The following RRBP1 variants were observed in gnomAD, a reference collection of about 807,000 sequenced individuals.
RRBP1 encodes the protein ribosome-binding protein 1.
Under a neutral mutation model 165.2 loss-of-function variants are expected in RRBP1, and 94 were observed. That is an observed-to-expected ratio of 0.57 (90% CI 0.48 to 0.68). The LOEUF (loss-of-function observed/expected upper bound fraction) is 0.68. Ranked by LOEUF, RRBP1 falls within the 30% of genes least tolerant of loss-of-function variation. The probability of loss-of-function intolerance (pLI) is 0.00; values close to 1 mark genes in which losing one functional copy is unlikely to be tolerated. For synonymous variants in RRBP1, 680 were observed against 714.5 expected (o/e 0.95, Z 0.77); for missense variants, 1,676 against 1,763.0 (o/e 0.95, Z 0.88).
At chr20:17,641,644 C>T (rs1412782287) in intron 5 of RRBP1, 153 bp downstream of exon 5, 2 of 921,468 alleles carry the variant, frequency 2.2e-6, no homozygotes, top group African/African-American at 1.6e-5. Flanking sequence ...CTTTAGGCAG[C>T]AGATAAGCAG....
Position 17,614,168 on chromosome 20 carries a change from T to A in RRBP1, c.*14A>T, listed in dbSNP as rs1481209565. ...GGTAAGTTGAACAGTAACTTCTTTT[T>A]CCAAAGAGGAAACTCAGACAGAGGT... On this transcript the variant is annotated 3_prime_UTR_variant, in exon 25 of 25. Transcript: ENST00000377813. 1 of 1,613,758 alleles carries A rather than the reference T, an allele frequency of 6.2e-7. No homozygotes were observed. The highest frequency in any genetic ancestry group is 8.5e-7 in the Non-Finnish European group (1 of 1,179,734).
rs370392121 is a variant in RRBP1, at chr20:17,614,746, C to G, written c.4185G>C (p.Leu1395=). 5.6e-6 allele frequency: 9 copies of G among 1,612,384 alleles called. No individual in the cohort carries two copies. In the African/African-American group the frequency reaches 1.2e-4, roughly 22 times the overall value. Residue 1395 remains leucine, a synonymous_variant, in exon 24 of 25, where the codon CTG becomes CTC. Coordinates refer to ENST00000377813, the MANE Select transcript of RRBP1 (RefSeq NM_001365613.2). ...GGCGCCAGGCACGCACTGCCTTTTC[C>G]AGCTGTTCCTGCAGCTTCTTCACCG... is the stretch of plus-strand genomic sequence containing the variant. ...KDTVKKLQEQ[L]EKAEDGSSSK...
chr20:17,666,581 A>C (rs2036874397), intron 2 of RRBP1, among the ~76,000 whole-genome samples: 1 of 152,206 alleles, frequency 6.6e-6, no homozygotes, highest in Non-Finnish European at 1.5e-5. Flanking sequence ...TTTTTTAATA[A>C]AAAGTAAGCT....
At chr20:17,635,871 C>A (rs537577845) in intron 6 of RRBP1, among the ~76,000 whole-genome samples, 1 of 152,242 alleles carries the variant, frequency 6.6e-6, no homozygotes, top group Non-Finnish European at 1.5e-5. Flanking sequence ...CCACACCCAG[C>A]GACACCTCTC....
chr20:17,615,626 C>G (rs2035785173), intron 22 of RRBP1, 97 bp from the exon 23 acceptor site: 2 of 927,190 alleles, frequency 2.2e-6, no homozygotes, highest in Non-Finnish European at 3.1e-6. Flanking sequence ...GGGGGCCCCC[C>G]CAGCCTGATG....
chr20:17,620,787 C>T lies in RRBP1; in HGVS notation c.3435G>A (p.Leu1145=). ...GCTCCTCCTCCTCCACGCTCTTCTG[C>T]AGGTCTCTGAGCATGCCCTCCTGGG... ...LAETEGMLRD[L]QKSVEEEEQV... is the part of the protein sequence containing the mutation. Residue 1145 remains leucine, a synonymous_variant, in exon 17 of 25, where the codon CTG becomes CTA. Transcript: ENST00000377813. 1 of 1,608,070 alleles carries T rather than the reference C, an allele frequency of 6.2e-7. No individual in the cohort carries two copies.
chr20:17,636,615 G>T lies in RRBP1; in HGVS notation c.2299C>A (p.Arg767=). Residue 767 remains arginine (R), a synonymous_variant, in exon 6 of 25, where the codon CGG becomes AGG. Transcript: ENST00000377813. The stretch of plus-strand genomic sequence containing the variant: ...TGCTGCACCTCCTTCACGTGCTCCC[G>T]GTAGCTGGCCTGCATGCGTGCCTGC... ...AVQARMQASY[R]EHVKEVQQLQ... 1 of 1,612,516 alleles carries T rather than the reference G, an allele frequency of 6.2e-7. No individual in the cohort carries two copies. The highest frequency in any genetic ancestry group is 1.7e-5 in the Admixed American group (1 of 60,030).
intron 2 of RRBP1, among the ~76,000 whole-genome samples, chr20:17,662,828 A>T (rs2036790799): frequency 6.6e-6 from 1 of 152,116 alleles, no homozygotes; most frequent in South Asian, 2.1e-4. Context: ...CTGGGTACTT[A>T]CAAGATTTCT....
intron 23 of RRBP1, 100 bp from the exon 24 acceptor site, chr20:17,614,980 G>A: frequency 7.4e-7 from 1 of 1,353,794 alleles, no homozygotes; most frequent in Non-Finnish European, 1.0e-6. Context: ...GGAGCCCTCT[G>A]GGGACACAAG....
intron 21 of RRBP1, among the ~76,000 whole-genome samples, chr20:17,616,321 C>T (rs2035798888): frequency 6.6e-6 from 1 of 152,184 alleles, no homozygotes; most frequent in South Asian, 2.1e-4. Flanking sequence ...ACAGGCCCTG[C>T]CTCTTGGTGA....
chr20:17,650,623 A>G (rs915395448), intron 3 of RRBP1, among the ~76,000 whole-genome samples: 1 of 152,224 alleles, frequency 6.6e-6, no homozygotes, highest in Non-Finnish European at 1.5e-5. Context: ...CCTGTTTCCA[A>G]CCAGCAGCAA....
chr20:17,640,804 C>A (rs1480459718), intron 5 of RRBP1, among the ~76,000 whole-genome samples: 1 of 152,220 alleles, frequency 6.6e-6, no homozygotes, highest in Non-Finnish European at 1.5e-5. Flanking sequence ...CCATCTGGCT[C>A]AGAGCCGTGA....
At chr20:17,655,987 A>G (rs1200997030) in intron 3 of RRBP1, among the ~76,000 whole-genome samples, 1 of 152,156 alleles carries the variant, frequency 6.6e-6, no homozygotes, top group African/African-American at 2.4e-5. Context: ...CTGAGTCACA[A>G]GATCCTGGGT....
In RRBP1 at chr20:17,635,509, C is replaced by T. The variant is rs766594938; in HGVS notation, c.2456+37G>A. On this transcript the variant is annotated intron_variant, in intron 7 of 24. Transcript: ENST00000377813. ...CGTGAAGCCTTCCTCGCTCCAGGGC[C>T]CTTGGGGAGGTGCTGAGGCAGGAAA... 5 of 1,497,238 alleles carry T rather than the reference C, an allele frequency of 3.3e-6. No homozygotes were observed. In the South Asian group the frequency reaches 5.8e-5, roughly 17 times the overall value. 92.7% of individuals were successfully genotyped at this position (1,497,238 alleles called of 1,614,324 possible). A position where few individuals can be genotyped will look rare whatever the true frequency, so the allele number is the denominator to read the frequency against.
chr20:17,635,972 T>C (rs1489178508), intron 6 of RRBP1, among the ~76,000 whole-genome samples: 1 of 152,170 alleles, frequency 6.6e-6, no homozygotes, highest in Non-Finnish European at 1.5e-5. Context: ...CAAGGTCACA[T>C]GGTTGACTGT....
In RRBP1 at chr20:17,641,781, C is replaced by T. The variant is rs777203334; in HGVS notation, c.2184+16G>A. ...CGGGAGAGGACAAACCATCTCCGAG[C>T]CCACTCAGGCTGTACCTTGTTGAGC... On this transcript the variant is annotated intron_variant, in intron 5 of 24. Coordinates refer to ENST00000377813, the MANE Select transcript of RRBP1 (RefSeq NM_001365613.2). The T allele has an allele frequency of 1.2e-6, 2 of 1,611,048 alleles. No homozygotes were observed. Among genetic ancestry groups the T allele is most frequent in the Non-Finnish European group, 8.5e-7 (1 of 1,179,096 alleles).
intron 3 of RRBP1, among the ~76,000 whole-genome samples, chr20:17,654,574 C>T (rs765017304): frequency 6.6e-6 from 1 of 152,212 alleles, no homozygotes; most frequent in African/African-American, 2.4e-5. Context: ...TTCATAAATG[C>T]CTCCTTTCAT....
At chr20:17,654,453 T>C (rs887973176) in intron 3 of RRBP1, among the ~76,000 whole-genome samples, 1 of 152,252 alleles carries the variant, frequency 6.6e-6, no homozygotes, top group Admixed American at 6.5e-5. Flanking sequence ...ACTGATTCTG[T>C]GGAAAAGAAG....
intron 19 of RRBP1, 108 bp downstream of exon 19, chr20:17,619,525 C>T: frequency 2.6e-6 from 2 of 754,820 alleles, no homozygotes; most frequent in South Asian, 2.0e-5. Context: ...ACTCGGACTT[C>T]AAGGCTTATG....
Sources: allele counts gnomAD v4.1 joint callset (sites outside exome capture counted in the v4.1 genomes callset), GRCh38; gene constraint gnomAD v4.1.1; transcripts MANE v1.5; gene names NCBI Gene and HGNC (gene_info 2026-07-23, HGNC 2026-07-21).